The following LAMP5 variants were observed in gnomAD, a reference collection of about 807,000 sequenced individuals.
LAMP5 encodes lysosome-associated membrane glycoprotein 5.
A neutral mutation model predicts 30.2 loss-of-function variants in LAMP5; 36 were observed. That is an observed-to-expected ratio of 1.19 (90% CI 0.91 to 1.57). LAMP5 has a LOEUF of 1.57. Among genes scored for constraint, LAMP5 ranks in the 40% most tolerant of loss-of-function variants. LAMP5 has a pLI of 0.00. For synonymous variants in LAMP5, 149 were observed against 134.6 expected, an observed-to-expected ratio of 1.11 and a Z score of -0.74; for missense variants, 377 against 354.9, an observed-to-expected ratio of 1.06 and a Z score of -0.50.
chr20:9,528,241 G>A (rs1568946056), intron 5 of LAMP5, among the ~76,000 whole-genome samples: 1 of 152,046 alleles, frequency 6.6e-6, no homozygotes, highest in East Asian at 1.9e-4. Flanking sequence ...ACATGTAGGA[G>A]CTCAATAGAT....
At chr20:9,515,716 C>T in intron 2 of LAMP5, 91 bp downstream of exon 2, 1 of 1,411,728 alleles carries the variant, frequency 7.1e-7, no homozygotes, top group Non-Finnish European at 9.7e-7. Flanking sequence ...CTGGGTTGCC[C>T]GCCTTCTTTC....
At chr20:9,521,200 G>A (rs2045077542) in intron 5 of LAMP5, among the ~76,000 whole-genome samples, 1 of 152,180 alleles carries the variant, frequency 6.6e-6, no homozygotes, top group Non-Finnish European at 1.5e-5. Flanking sequence ...AATGCCCAAA[G>A]CAGAGGGGCT....
intron 1 of LAMP5, 145 bp downstream of exon 1, chr20:9,515,061 A>G (rs1568942001): frequency 1.3e-6 from 1 of 745,478 alleles, no homozygotes; most frequent in Admixed American, 2.4e-5. Flanking sequence ...TTAGGGGAGG[A>G]GGGAGGGCCT....
In LAMP5 at chr20:9,529,903, C is replaced by T. The variant is rs564860506; in HGVS notation, c.*83C>T. On this transcript the variant is annotated 3_prime_UTR_variant, in exon 6 of 6. Transcript: ENST00000246070. ...CAAAAGCACTTTTCCATCTTGTACA[C>T]GAGATACACCAACATAGCTACAATC... 175 of 1,340,212 alleles carry T rather than the reference C, an allele frequency of 1.3e-4. No individual in the cohort carries two copies. The highest frequency in any genetic ancestry group is 8.9e-4 in the Admixed American group (48 of 54,182). 83.0% of individuals were successfully genotyped at this position (1,340,212 alleles called of 1,614,324 possible).
intron 5 of LAMP5, among the ~76,000 whole-genome samples, chr20:9,523,675 G>A (rs2122841845): frequency 6.6e-6 from 1 of 152,204 alleles, no homozygotes; most frequent in South Asian, 2.1e-4. Context: ...TTACCCTGTT[G>A]TGTGTACTCT....
Position 9,516,334 on chromosome 20 carries a change from A to T in LAMP5, c.448A>T (p.Lys150Ter), listed in dbSNP as rs2045039649. The T allele has an allele frequency of 1.2e-6, 2 of 1,614,020 alleles. No homozygotes were observed. Among genetic ancestry groups the T allele is most frequent in the Non-Finnish European group, 1.7e-6 (2 of 1,180,020 alleles). The change falls in exon 4 of 6, where the codon AAA (lysine) becomes TAA (stop). Residue 150 changes from lysine to a stop codon, truncating the protein, a stop_gained. Transcript: ENST00000246070. LOFTEE classifies it high-confidence loss of function. ...KVQFVYDSSE[K>*]THFKDAVSAG... Reference sequence around the variant, plus strand: ...GCAGTTTGTCTACGACTCCTCGGAGAAAACCCACTTCAAAGACGCAGTCAG... The same window carrying T: ...GCAGTTTGTCTACGACTCCTCGGAGTAAACCCACTTCAAAGACGCAGTCAG...
chr20:9,526,890 A>G (rs1338836964), intron 5 of LAMP5, among the ~76,000 whole-genome samples: 2 of 141,202 alleles, frequency 1.4e-5, no homozygotes, highest in African/African-American at 2.6e-5. Context: ...ATATATATAT[A>G]TATATATATA....
intron 5 of LAMP5, among the ~76,000 whole-genome samples, chr20:9,525,717 C>T (rs2045107520): frequency 6.6e-6 from 1 of 152,120 alleles, no homozygotes; most frequent in Admixed American, 6.5e-5. Context: ...GTGCCCCATC[C>T]CCAGATTCTT....
At chr20:9,526,783 A>G (rs200695173) in intron 5 of LAMP5, among the ~76,000 whole-genome samples, 14,171 of 149,728 alleles carry the variant, frequency 0.095, 855 homozygotes, top group East Asian at 0.31. Flanking sequence ...TCTTTTAAAA[A>G]AGCTATTTCT....
chr20:9,516,685 G>A (rs1487744745), intron 4 of LAMP5, among the ~76,000 whole-genome samples: 3 of 152,136 alleles, frequency 2.0e-5, no homozygotes, highest in Admixed American at 1.3e-4. Context: ...AAGGACCACG[G>A]AGAAGGGCAA....
At chr20:9,518,611 C>T (rs1265837517) in intron 5 of LAMP5, among the ~76,000 whole-genome samples, 1 of 152,202 alleles carries the variant, frequency 6.6e-6, no homozygotes, top group Non-Finnish European at 1.5e-5. Context: ...TTTAAAAAGT[C>T]ACTTTGGAAA....
chr20:9,523,170 C>T (rs950963632), intron 5 of LAMP5, among the ~76,000 whole-genome samples: 2 of 152,010 alleles, frequency 1.3e-5, no homozygotes, highest in Admixed American at 6.6e-5. Context: ...AACAGCTTCT[C>T]AGTATACAAA....
At chr20:9,528,934 T>C (rs540324034) in intron 5 of LAMP5, among the ~76,000 whole-genome samples, 2 of 152,366 alleles carry the variant, frequency 1.3e-5, no homozygotes, top group East Asian at 1.9e-4. Flanking sequence ...CCATAGTACA[T>C]TCCTTTTTAT....
chr20:9,515,750 G>A, intron 2 of LAMP5, 125 bp downstream of exon 2: 1 of 1,121,746 alleles, frequency 8.9e-7, no homozygotes, highest in Non-Finnish European at 1.3e-6. Context: ...GGCTGCTCCC[G>A]AATGCTGCAT....
intron 5 of LAMP5, among the ~76,000 whole-genome samples, chr20:9,527,987 A>G (rs539790939): frequency 1.3e-5 from 2 of 152,252 alleles, no homozygotes; most frequent in Non-Finnish European, 2.9e-5. Context: ...TAATTTACAT[A>G]TATTACATGC....
At chr20:9,520,416 T>C (rs540180652) in intron 5 of LAMP5, among the ~76,000 whole-genome samples, 1 of 152,318 alleles carries the variant, frequency 6.6e-6, no homozygotes, top group East Asian at 1.9e-4. Flanking sequence ...ATTTTAAAGA[T>C]TCCTTTTGGG....
chr20:9,516,014 G>A lies in LAMP5; in HGVS notation c.252G>A (p.Gln84=), dbSNP rs1471044901. ...TGTGTTCCCAGCTGATCACAGAACA[G>A]GCCGATATCGCATTGACCCGGGGAG... The part of the protein sequence containing the change: ...ASNYVDLITE[Q]ADIALTRGAE... Residue 84 remains glutamine, a synonymous_variant, in exon 3 of 6, where the codon CAG becomes CAA. Transcript: ENST00000246070. 1 of 1,525,010 alleles carries A rather than the reference G, an allele frequency of 6.6e-7. No homozygotes were observed. Among genetic ancestry groups the A allele is most frequent in the East Asian group, 2.3e-5 (1 of 44,146 alleles). 94.5% of individuals were successfully genotyped at this position (1,525,010 alleles called of 1,614,324 possible). A position where few individuals can be genotyped will look rare whatever the true frequency, so the allele number is the denominator to read the frequency against.
rs1033459984 is a variant in LAMP5, at chr20:9,530,291, C to T, written c.*471C>T. ...GAATACAACCTCATGCTCCCTGCAG[C>T]AAGACCCCTGAAAGTGATTCATGCT... On this transcript the variant is annotated 3_prime_UTR_variant, in exon 6 of 6. Transcript: ENST00000246070. The T allele has an allele frequency of 1.3e-5, 2 of 153,148 alleles. No individual in the cohort carries two copies. The highest frequency in any genetic ancestry group is 4.8e-5 in the African/African-American group (2 of 41,454). 9.5% of individuals were successfully genotyped at this position (153,148 alleles called of 1,614,324 possible).
At chr20:9,517,891 A>G (rs1380326453) in intron 4 of LAMP5, 149 bp from the exon 5 acceptor site, 3 of 592,404 alleles carry the variant, frequency 5.1e-6, no homozygotes, top group Admixed American at 3.0e-5. Flanking sequence ...TCACCACTTG[A>G]TGCCATTTGT....
Sources: allele counts gnomAD v4.1 joint callset (sites outside exome capture counted in the v4.1 genomes callset), GRCh38; gene constraint gnomAD v4.1.1; transcripts MANE v1.5; gene names NCBI Gene and HGNC (gene_info 2026-07-23, HGNC 2026-07-21).